Variants in SNRPN observed in about 807,000 individuals in gnomAD.
SNRPN encodes small nuclear ribonucleoprotein-associated protein N.
SNRPN carries 7 observed loss-of-function variants against 25.2 expected under a neutral mutation model. The observed-to-expected ratio is 0.28, with a 90% CI of 0.16 to 0.52. SNRPN has a LOEUF of 0.52. SNRPN is among the 20% of genes least tolerant of loss of function. The pLI, the probability that SNRPN is intolerant of heterozygous loss-of-function variation, is 0.96. For synonymous variants in SNRPN, 124 were observed against 110.6 expected (o/e 1.12, Z -0.76); for missense variants, 196 against 322.5 (o/e 0.61, Z 3.00).
At chr15:24,848,470 T>C (rs1367298704) in intron 2 of SNRPN, 4 of 152,206 alleles carry the variant, frequency 2.6e-5, no homozygotes. Context: ...TATCATTGTC[T>C]TGTTTCTTAC....
At chr15:24,887,223 C>T (rs1939238718) in intron 2 of SNRPN, among the ~76,000 whole-genome samples, 1 of 150,366 alleles carries the variant, frequency 6.7e-6, no homozygotes, top group South Asian at 2.1e-4. Context: ...TCTCAGCTCA[C>T]TGCAACCTCT....
intron 2 of SNRPN, chr15:24,909,204 A>G: frequency 1.3e-6 from 2 of 1,508,106 alleles, no homozygotes; most frequent in Non-Finnish European, 1.8e-6. Flanking sequence ...TAGCACATGT[A>G]ATCGGCAACA....
At chr15:24,827,594 C>T (rs557103386) in intron 1 of SNRPN, among the ~76,000 whole-genome samples, 10 of 150,884 alleles carry the variant, frequency 6.6e-5, no homozygotes, top group Admixed American at 2.0e-4. Flanking sequence ...GTAGGCCAGG[C>T]GCAGTAGCTC....
intron 2 of SNRPN, among the ~76,000 whole-genome samples, chr15:24,905,508 CA>C (rs11341629): frequency 0.61 from 74,723 of 122,056 alleles, 21,114 homozygotes; most frequent in African/African-American, 0.68. Flanking sequence ...GACTCCATCT[CA>C]AAAAAAAAAA....
At chr15:24,905,054 A>C (rs2058708906) in intron 2 of SNRPN, among the ~76,000 whole-genome samples, 2 of 150,886 alleles carry the variant, frequency 1.3e-5, no homozygotes, top group African/African-American at 4.9e-5. Context: ...CAGAGGTTGC[A>C]GTAAACTGAG....
intron 2 of SNRPN, among the ~76,000 whole-genome samples, chr15:24,898,583 C>CT (rs959281695): frequency 9.0e-5 from 13 of 145,158 alleles, no homozygotes; most frequent in African/African-American, 3.3e-4. Context: ...TGAGATCTGT[C>CT]TAAAAAAAAA....
intron 2 of SNRPN, among the ~76,000 whole-genome samples, chr15:24,911,974 T>C (rs2059245537): frequency 6.6e-6 from 1 of 152,160 alleles, no homozygotes; most frequent in South Asian, 2.1e-4. Context: ...CCAGCAGTCA[T>C]GGCAGCAGGG....
Position 24,902,408 on chromosome 15 carries a change from T to C in SNRPN, c.-505+15819T>C, listed in dbSNP as rs182881840. ...AATAGTAGTAACTTAAAAAAATATA[T>C]ATCAGGGAAGAAAAAATGGATTTTT... On this transcript the variant is annotated intron_variant, in intron 2 of 11. Transcript: ENST00000400097. 1.2e-4 allele frequency among the ~76,000 whole-genome samples: 18 copies of C among 152,182 alleles called. No homozygotes were observed. In the East Asian group the frequency reaches 2.7e-3, roughly 23 times the overall value.
At chr15:24,950,336 C>T (rs2062163638), upstream of SNRPN, among the ~76,000 whole-genome samples, 1 of 150,720 alleles carries the variant, frequency 6.6e-6, no homozygotes. Context: ...GCCCTCACAC[C>T]CGGCTAATTT....
intron 2 of SNRPN, among the ~76,000 whole-genome samples, chr15:24,905,911 A>G (rs2058769099): frequency 6.6e-6 from 1 of 152,212 alleles, no homozygotes; most frequent in Non-Finnish European, 1.5e-5. Flanking sequence ...CCACCCAGCA[A>G]CAGACACAAA....
At chr15:24,910,252 G>A (rs2059125938) in intron 2 of SNRPN, among the ~76,000 whole-genome samples, 1 of 152,064 alleles carries the variant, frequency 6.6e-6, no homozygotes. Context: ...AAGTTTTCAG[G>A]GTACTGCATA....
upstream of SNRPN, among the ~76,000 whole-genome samples, chr15:24,951,840 C>G (rs2062301378): frequency 6.6e-6 from 1 of 152,168 alleles, no homozygotes; most frequent in Non-Finnish European, 1.5e-5. Flanking sequence ...ATTCTGGATA[C>G]TACACTCCTA....
At chr15:24,890,458 C>T (rs573207742) in intron 2 of SNRPN, among the ~76,000 whole-genome samples, 7 of 152,010 alleles carry the variant, frequency 4.6e-5, no homozygotes, top group Admixed American at 2.0e-4. Flanking sequence ...GGGTGGATCA[C>T]GAGGTCAGGA....
chr15:24,920,777 C>A (rs1170979722), intron 3 of SNRPN, among the ~76,000 whole-genome samples: 2 of 149,846 alleles, frequency 1.3e-5, no homozygotes, highest in Non-Finnish European at 3.0e-5. Context: ...AACAATTCTT[C>A]CAGTGTTTTG....
At chr15:24,946,124 T>C (rs541002429) in intron 3 of SNRPN, among the ~76,000 whole-genome samples, 82 of 152,334 alleles carry the variant, frequency 5.4e-4, no homozygotes, top group African/African-American at 1.9e-3. Flanking sequence ...AGAGTTGTGG[T>C]TGAGAGCTGG....
chr15:24,930,169 A>G (rs575516031), intron 3 of SNRPN, among the ~76,000 whole-genome samples: 1 of 145,110 alleles, frequency 6.9e-6, no homozygotes, highest in Admixed American at 7.2e-5. Flanking sequence ...AAAATAATAA[A>G]TTTTTTTCTA....
At chr15:24,915,034 G>A (rs1463634193) in intron 2 of SNRPN, among the ~76,000 whole-genome samples, 2 of 152,046 alleles carry the variant, frequency 1.3e-5, no homozygotes, top group Non-Finnish European at 2.9e-5. Context: ...GGGCCAGAGT[G>A]GTCATGTATC....
upstream of SNRPN, among the ~76,000 whole-genome samples, chr15:24,954,591 G>A (rs1266305825): frequency 3.9e-5 from 6 of 152,166 alleles, no homozygotes. Context: ...TGTGGTTATG[G>A]CGCATTTAAC....
chr15:24,923,919 AAACATTTTT>A (rs1241769577), intron 3 of SNRPN, among the ~76,000 whole-genome samples: 2 of 54,950 alleles, frequency 3.6e-5, no homozygotes, highest in African/African-American at 7.5e-5. Flanking sequence ...GTGTGTATAT[AAACATTTTT>A]TTTTTTTTTT....
Sources: gnomAD v4.1 joint callset for allele counts (sites outside exome capture counted in the v4.1 genomes callset) on GRCh38, gnomAD v4.1.1 for gene constraint, MANE v1.5 for transcripts, NCBI Gene and HGNC (gene_info 2026-07-23, HGNC 2026-07-21) for gene names.